TCTN3: variants seen among roughly 807,000 people sequenced by gnomAD.
TCTN3 encodes the protein tectonic family member 3, also known as tectonic-3.
Under a neutral mutation model 71.3 loss-of-function variants are expected in TCTN3, and 57 were observed. The observed-to-expected ratio is 0.80, with a 90% CI of 0.65 to 1.00. TCTN3 has a LOEUF of 1.00. TCTN3 is among the 50% of genes least tolerant of loss of function. The pLI is 0.00. For missense variants in TCTN3, 696 were observed against 719.9 expected, an observed-to-expected ratio of 0.97 and a Z score of 0.38; for synonymous variants, 258 against 267.8, an observed-to-expected ratio of 0.96 and a Z score of 0.36.
intron 3 of TCTN3, among the ~76,000 whole-genome samples, chr10:95,688,263 G>A (rs2097950318): frequency 1.3e-5 from 2 of 151,808 alleles, no homozygotes; most frequent in South Asian, 2.1e-4. Context: ...GGTGGCAGGC[G>A]CCTGTAATCC....
At chr10:95,692,166 A>G (rs1474303737) in intron 3 of TCTN3, among the ~76,000 whole-genome samples, 2 of 152,158 alleles carry the variant, frequency 1.3e-5, no homozygotes, top group Admixed American at 6.5e-5. Flanking sequence ...AATGATTGAA[A>G]TTAAAGTTCT....
chr10:95,684,728 G>A, intron 8 of TCTN3, 104 bp from the exon 9 acceptor site: 1 of 1,266,276 alleles, frequency 7.9e-7, no homozygotes, highest in Non-Finnish European at 1.1e-6. Flanking sequence ...ACTAAATGAG[G>A]CAGACTGAAA....
intron 3 of TCTN3, among the ~76,000 whole-genome samples, chr10:95,691,124 T>C (rs1358448938): frequency 6.6e-6 from 1 of 152,120 alleles, no homozygotes; most frequent in Non-Finnish European, 1.5e-5. Flanking sequence ...TGGAGCATGA[T>C]CATAAGGCTG....
In TCTN3 at chr10:95,680,563, A is replaced by C; in HGVS notation, c.1499T>G (p.Ile500Ser). ...SCCLIPVSLE[I>S]QVLWAYVGLL... is the part of the protein sequence containing the mutation. ...ACCTACATATGCCCACAATACCTGG[A>C]TCTCCAGGGAAACTGGTATGAGACA... The change falls in exon 13 of 14, where the codon ATC (isoleucine) becomes AGC (serine). Residue 500 changes from isoleucine (I) to serine (S), a missense_variant. Coordinates refer to ENST00000371217, the MANE Select transcript of TCTN3 (RefSeq NM_015631.6). 1 of 1,614,154 alleles carries C rather than the reference A, an allele frequency of 6.2e-7. No individual in the cohort carries two copies. The highest frequency in any genetic ancestry group is 8.5e-7 in the Non-Finnish European group (1 of 1,180,012).
intron 12 of TCTN3, 131 bp from the exon 13 acceptor site, chr10:95,680,740 A>G: frequency 9.9e-7 from 1 of 1,006,010 alleles, no homozygotes; most frequent in Non-Finnish European, 1.4e-6. Flanking sequence ...GTGGAAGAAC[A>G]CAAAAGTTCA....
chr10:95,683,566 C>T lies in TCTN3; in HGVS notation c.1159G>A (p.Val387Ile), dbSNP rs778106528. 1.9e-6 allele frequency: 3 copies of T among 1,614,164 alleles called. No homozygotes were observed. The Admixed American group carries it at 5.0e-5, about 27-fold the overall frequency. Residue 387 changes from valine to isoleucine, a missense_variant, in exon 10 of 14, where the codon GTT becomes ATT. By Grantham distance (29) the Val-to-Ile change is conservative. Coordinates refer to ENST00000371217, the MANE Select transcript of TCTN3 (RefSeq NM_015631.6). ...GTCAGAGCCAAGAGTGGCTTCCCAA[C>T]TATATAGCCAGGATTCCCACTTCTA... is the stretch of plus-strand genomic sequence containing the variant. ...SPRSGNPGYI[V>I]GKPLLALTDD...
intron 3 of TCTN3, among the ~76,000 whole-genome samples, chr10:95,689,408 C>T (rs1408963226): frequency 6.6e-6 from 1 of 152,206 alleles, no homozygotes; most frequent in Admixed American, 6.5e-5. Context: ...AATCTTCAAA[C>T]CCTAACGCTT....
chr10:95,668,355 A>C (rs1023684377), intron 13 of TCTN3, among the ~76,000 whole-genome samples: 1 of 152,030 alleles, frequency 6.6e-6, no homozygotes, highest in South Asian at 2.1e-4. Flanking sequence ...TTTCAGAGTA[A>C]AAAATTTGGT....
chr10:95,691,658 T>C (rs963991761), intron 3 of TCTN3, among the ~76,000 whole-genome samples: 2 of 152,176 alleles, frequency 1.3e-5, no homozygotes, highest in Non-Finnish European at 2.9e-5. Context: ...GCAAGAGACA[T>C]TTAAATCCAT....
chr10:95,685,853 C>T (rs1165996355), intron 7 of TCTN3, among the ~76,000 whole-genome samples: 3 of 152,160 alleles, frequency 2.0e-5, no homozygotes, highest in Non-Finnish European at 4.4e-5. Flanking sequence ...AAATATAAAA[C>T]AAGGGTTCCA....
intron 9 of TCTN3, 75 bp downstream of exon 9, chr10:95,684,424 T>C: frequency 6.4e-7 from 1 of 1,564,730 alleles, no homozygotes; most frequent in East Asian, 2.3e-5. Context: ...TTCACATGTA[T>C]TACAGAAGCA....
intron 3 of TCTN3, among the ~76,000 whole-genome samples, chr10:95,692,266 TG>T (rs2097954185): frequency 6.6e-6 from 1 of 152,064 alleles, no homozygotes; most frequent in South Asian, 2.1e-4. Flanking sequence ...CCCAGCACTT[TG>T]GGGGTCGAGG....
intron 9 of TCTN3, 30 bp from the exon 10 acceptor site, chr10:95,683,659 T>C (rs368222569): frequency 3.0e-5 from 47 of 1,586,294 alleles, no homozygotes; most frequent in Non-Finnish European, 3.9e-5. Context: ...AAGTCAATTA[T>C]GGAGATAAGC....
chr10:95,691,093 T>G (rs2097953098), intron 3 of TCTN3, among the ~76,000 whole-genome samples: 1 of 152,132 alleles, frequency 6.6e-6, no homozygotes. Context: ...GAGCACCAGG[T>G]AGGTGCCATT....
In TCTN3 at chr10:95,686,489, T is replaced by G. The variant is rs756997689; in HGVS notation, c.888+6A>C. On this transcript the variant is annotated splice_donor_region_variant and intron_variant, in intron 7 of 13. Coordinates refer to ENST00000371217, the MANE Select transcript of TCTN3 (RefSeq NM_015631.6). ...TTTCTTTTTTCCTGGTACAACAGCA[T>G]CATACCTCCATATTCTGTGGATCAG... 50 of 1,613,840 alleles carry G rather than the reference T, an allele frequency of 3.1e-5. No individual in the cohort carries two copies. Among genetic ancestry groups the G allele is most frequent in the Non-Finnish European group, 4.0e-5 (47 of 1,179,958 alleles).
At chr10:95,685,104 A>G (rs575285188) in intron 8 of TCTN3, among the ~76,000 whole-genome samples, 17 of 152,374 alleles carry the variant, frequency 1.1e-4, no homozygotes, top group African/African-American at 3.8e-4. Context: ...TAGATTGTTT[A>G]GAGAACAGAG....
intron 13 of TCTN3, among the ~76,000 whole-genome samples, chr10:95,678,187 G>C (rs1024199865): frequency 1.3e-5 from 2 of 152,088 alleles, no homozygotes; most frequent in African/African-American, 4.8e-5. Flanking sequence ...AAAAGCTTTG[G>C]AAGATGTACA....
chr10:95,686,896 A>C, intron 6 of TCTN3, 148 bp downstream of exon 6: 1 of 649,688 alleles, frequency 1.5e-6, no homozygotes, highest in Non-Finnish European at 2.7e-6. Context: ...ATTTGTCTTC[A>C]GATGTGGTTT....
At chr10:95,675,896 G>A (rs1589607740) in intron 13 of TCTN3, among the ~76,000 whole-genome samples, 1 of 152,082 alleles carries the variant, frequency 6.6e-6, no homozygotes, top group Admixed American at 6.5e-5. Flanking sequence ...GCCTGGCTTC[G>A]AAAAATCAAT....
Sources: allele counts gnomAD v4.1 joint callset (sites outside exome capture counted in the v4.1 genomes callset), GRCh38; gene constraint gnomAD v4.1.1; transcripts MANE v1.5; gene names NCBI Gene and HGNC (gene_info 2026-07-23, HGNC 2026-07-21).